RAPGEF6: variants seen among roughly 807,000 people sequenced by gnomAD.
RAPGEF6 encodes Rap guanine nucleotide exchange factor 6.
In RAPGEF6, 56 loss-of-function variants were observed where a neutral mutation model predicts 171.4. That is an observed-to-expected ratio of 0.33 (90% CI 0.26 to 0.41). The LOEUF (loss-of-function observed/expected upper bound fraction) is 0.41, where lower values mean the gene tolerates loss of function less well. Ranked by LOEUF, RAPGEF6 falls within the 10% of genes least tolerant of loss-of-function variation. The pLI, the probability that RAPGEF6 is intolerant of heterozygous loss-of-function variation, is 1.00. For missense variants in RAPGEF6, 1,674 were observed against 1,921.4 expected, an observed-to-expected ratio of 0.87 and a Z score of 2.41; for synonymous variants, 692 against 650.1, an observed-to-expected ratio of 1.06 and a Z score of -0.98.
chr5:131,448,913 T>C (rs1031072506), intron 21 of RAPGEF6, among the ~76,000 whole-genome samples: 5 of 151,960 alleles, frequency 3.3e-5, no homozygotes, highest in African/African-American at 1.2e-4. Context: ...AGACATAAAT[T>C]TGCGATCCAG....
At chr5:131,486,849 T>C (rs116508954) in intron 15 of RAPGEF6, among the ~76,000 whole-genome samples, 9 of 151,918 alleles carry the variant, frequency 5.9e-5, no homozygotes, top group South Asian at 2.1e-4. Context: ...AATTGCTCTG[T>C]GCAGCGTCCT....
intron 4 of RAPGEF6, among the ~76,000 whole-genome samples, chr5:131,580,380 C>T (rs1050693100): frequency 6.6e-6 from 1 of 152,110 alleles, no homozygotes; most frequent in East Asian, 1.9e-4. Flanking sequence ...GCCGCACGAG[C>T]GCTGAGCGCA....
chr5:131,427,129 C>T lies in RAPGEF6; in HGVS notation c.*137G>A, dbSNP rs1751428333. The T allele has an allele frequency of 1.2e-6, 1 of 800,366 alleles. No individual in the cohort carries two copies. The highest frequency in any genetic ancestry group is 2.2e-5 in the Admixed American group (1 of 45,202). The allele number at this position is 800,366 out of a possible 1,614,324, so 49.6% of individuals were successfully genotyped here. The stretch of plus-strand genomic sequence containing the variant: ...AGCATAACTCAGGTCTATTTCATTG[C>T]TCGGAGTAGAGGGAATAAAACCTCT... On this transcript the variant is annotated 3_prime_UTR_variant, in exon 28 of 28. Coordinates refer to ENST00000509018, the MANE Select transcript of RAPGEF6 (RefSeq NM_016340.6).
chr5:131,571,424 T>A (rs948061043), intron 4 of RAPGEF6, among the ~76,000 whole-genome samples: 1 of 152,138 alleles, frequency 6.6e-6, no homozygotes, highest in East Asian at 1.9e-4. Context: ...TATTCACAGA[T>A]GACAAGATCA....
intron 17 of RAPGEF6, among the ~76,000 whole-genome samples, chr5:131,466,798 A>C (rs1754383172): frequency 6.6e-6 from 1 of 152,212 alleles, no homozygotes; most frequent in African/African-American, 2.4e-5. Context: ...AAACGGACTA[A>C]TATACCTCTC....
chr5:131,577,815 C>G (rs1043749306), intron 4 of RAPGEF6, among the ~76,000 whole-genome samples: 5 of 152,182 alleles, frequency 3.3e-5, no homozygotes, highest in African/African-American at 1.2e-4. Context: ...TTCCCTTAAA[C>G]TCACTCGCAT....
At position 131,510,384 on chromosome 5, in the gene RAPGEF6, T is replaced by G; in HGVS notation, c.735A>C (p.Pro245=). The G allele has an allele frequency of 6.2e-7, 1 of 1,614,170 alleles. No individual in the cohort carries two copies. Among genetic ancestry groups the G allele is most frequent in the Non-Finnish European group, 8.5e-7 (1 of 1,180,024 alleles). Residue 245 remains proline (P), a synonymous_variant, in exon 8 of 28, where the codon CCA becomes CCC. Coordinates refer to ENST00000509018, the MANE Select transcript of RAPGEF6 (RefSeq NM_016340.6). ...CTCGAACAAGATCTCGCCCCTGCAA[T>G]GGATCTGTTCGATCAATCTCTTCAT... ...EEDEEIDRTD[P]LQGRDLVREC...
intron 26 of RAPGEF6, among the ~76,000 whole-genome samples, chr5:131,429,881 C>A (rs538153449): frequency 2.8e-4 from 42 of 152,038 alleles, no homozygotes; most frequent in African/African-American, 1.0e-3. Flanking sequence ...GAAGCCCCAT[C>A]TCTACTAAAA....
chr5:131,543,710 A>C (rs750427080), intron 6 of RAPGEF6, among the ~76,000 whole-genome samples: 69 of 152,312 alleles, frequency 4.5e-4, no homozygotes, highest in Non-Finnish European at 5.6e-4. Context: ...GCAAGAATTC[A>C]AGATAGATGG....
intron 8 of RAPGEF6, among the ~76,000 whole-genome samples, chr5:131,509,487 G>A (rs1757580448): frequency 6.6e-6 from 1 of 151,696 alleles, no homozygotes; most frequent in Admixed American, 6.6e-5. Context: ...AGCTTGCAGT[G>A]AGCCAAGATT....
At chr5:131,471,843 T>C (rs1293300636) in intron 17 of RAPGEF6, among the ~76,000 whole-genome samples, 1 of 152,148 alleles carries the variant, frequency 6.6e-6, no homozygotes, top group African/African-American at 2.4e-5. Flanking sequence ...AACTTCAGCT[T>C]CAAGTGTCTG....
rs377101885 is a variant in RAPGEF6, at chr5:131,624,324, C to T, written c.69+10638G>A. Among the ~76,000 whole-genome samples, 3 of 152,290 alleles carry T rather than the reference C, an allele frequency of 2.0e-5. No individual in the cohort carries two copies. In the East Asian group the frequency reaches 5.8e-4, roughly 29 times the overall value. ...AAAGGCCAGTGACACCGTTACCATA[C>T]TGTTCCCATCCTATGCAATGCACAG... is the stretch of plus-strand genomic sequence containing the variant. On this transcript the variant is annotated intron_variant, in intron 1 of 27. Transcript: ENST00000509018.
Position 131,603,346 on chromosome 5 carries a change from G to A in RAPGEF6, c.141-19C>T, listed in dbSNP as rs547252898. On this transcript the variant is annotated intron_variant, in intron 2 of 27. Coordinates refer to ENST00000509018, the MANE Select transcript of RAPGEF6 (RefSeq NM_016340.6). ...CATTAATCTATTAAAAAAAAAAATT[G>A]AAGATTTTATCTTACATTTTGTTTT... 2.7e-5 allele frequency: 38 copies of A among 1,429,958 alleles called. No individual in the cohort carries two copies. The highest frequency in any genetic ancestry group is 2.4e-4 in the South Asian group (17 of 71,992). 88.6% of individuals were successfully genotyped at this position (1,429,958 alleles called of 1,614,324 possible).
At chr5:131,445,208 T>C (rs1265226471) in intron 22 of RAPGEF6, among the ~76,000 whole-genome samples, 1 of 152,232 alleles carries the variant, frequency 6.6e-6, no homozygotes, top group Admixed American at 6.5e-5. Flanking sequence ...TCTTTTCTTA[T>C]ATGCAGAAGC....
chr5:131,548,512 A>T (rs1482900635), intron 5 of RAPGEF6, among the ~76,000 whole-genome samples: 2 of 152,214 alleles, frequency 1.3e-5, no homozygotes, highest in Non-Finnish European at 1.5e-5. Context: ...GAGTTCCTCT[A>T]ATTACAAACT....
At chr5:131,448,846 T>A (rs1384126762) in intron 21 of RAPGEF6, among the ~76,000 whole-genome samples, 1 of 152,140 alleles carries the variant, frequency 6.6e-6, no homozygotes, top group African/African-American at 2.4e-5. Context: ...TTCTTCTTTA[T>A]AATAGTAATG....
chr5:131,601,505 A>G (rs1215685968), intron 3 of RAPGEF6, among the ~76,000 whole-genome samples: 2 of 152,234 alleles, frequency 1.3e-5, no homozygotes, highest in African/African-American at 4.8e-5. Flanking sequence ...CAGAAATGAT[A>G]AAGACAACCC....
intron 5 of RAPGEF6, among the ~76,000 whole-genome samples, chr5:131,549,633 C>T (rs1295011649): frequency 6.6e-6 from 1 of 151,898 alleles, no homozygotes; most frequent in South Asian, 2.1e-4. Context: ...ATCACTTGAG[C>T]CCAGGAGTTA....
At chr5:131,456,594 C>T (rs908537124) in intron 19 of RAPGEF6, among the ~76,000 whole-genome samples, 2 of 152,216 alleles carry the variant, frequency 1.3e-5, no homozygotes, top group Non-Finnish European at 2.9e-5. Flanking sequence ...AACTTGAAAA[C>T]ATAATTCATG....
Sources: allele counts gnomAD v4.1 joint callset (sites outside exome capture counted in the v4.1 genomes callset), GRCh38; gene constraint gnomAD v4.1.1; transcripts MANE v1.5; gene names NCBI Gene and HGNC (gene_info 2026-07-23, HGNC 2026-07-21).